The following KRT6C variants were observed in gnomAD, a reference collection of about 807,000 sequenced individuals.
KRT6C encodes the protein keratin, type II cytoskeletal 6C.
A neutral mutation model predicts 49.4 loss-of-function variants in KRT6C; 46 were observed. That is an observed-to-expected ratio of 0.93 (90% confidence interval 0.74 to 1.19). The LOEUF is 1.19. Ranked by LOEUF, KRT6C falls within the 50% of genes most tolerant of loss-of-function variation. The probability of loss-of-function intolerance (pLI) is 0.00; values close to 1 mark genes in which losing one functional copy is unlikely to be tolerated. For synonymous variants in KRT6C, 236 were observed against 297.1 expected, an observed-to-expected ratio of 0.79 and a Z score of 2.12; for missense variants, 552 against 737.5, an observed-to-expected ratio of 0.75 and a Z score of 2.91.
Position 52,472,094 on chromosome 12 carries a change from G to C in KRT6C, c.727C>G (p.Gln243Glu). 1.3e-6 allele frequency: 2 copies of C among 1,598,708 alleles called. No homozygotes were observed. Among genetic ancestry groups the C allele is most frequent in the Non-Finnish European group, 1.7e-6 (2 of 1,174,358 alleles). The change falls in exon 2 of 9, where the codon CAG (glutamine) becomes GAG (glutamate). Residue 243 changes from glutamine to glutamate, a missense_variant. By Grantham distance (29) the Gln-to-Glu change is conservative. Transcript: ENST00000252250. ...TTCTTGAGGTCCTCCACCAGGTCCT[G>C]CATGTTTCTCAGCTCCGAGTCCAGG... ...GRLDSELRNM[Q>E]DLVEDLKNKY...
At chr12:52,473,126 C>T in intron 1 of KRT6C, 72 bp downstream of exon 1, 1 of 1,386,864 alleles carries the variant, frequency 7.2e-7, no homozygotes, top group South Asian at 1.2e-5. Context: ...CTAGGTCTCC[C>T]TAGCAGGAAG....
chr12:52,469,871 G>T lies in KRT6C; in HGVS notation c.1223C>A (p.Ala408Asp). 1 of 1,614,106 alleles carries T rather than the reference G, an allele frequency of 6.2e-7. No homozygotes were observed. The highest frequency in any genetic ancestry group is 8.5e-7 in the Non-Finnish European group (1 of 1,180,006). The change falls in exon 7 of 9, where the codon GCC becomes GAC. Residue 408 changes from alanine to aspartate, a missense_variant. Physicochemically the swap from Ala to Asp is moderately radical, Grantham distance 126. This residue lies in a region of KRT6C where 425 missense variants were observed against 439.4 expected (regional missense o/e 0.97). Coordinates refer to ENST00000252250, the MANE Select transcript of KRT6C (RefSeq NM_173086.5). ...VKKQCASLQA[A>D]IADAEQRGEM... The stretch of plus-strand genomic sequence containing the variant: ...CCCACGCTGCTCAGCATCAGCAATG[G>T]CAGCCTGCAGGCTGGCACACTAGGA...
chr12:52,472,301 T>G, intron 1 of KRT6C, 21 bp from the exon 2 acceptor site: 1 of 1,406,068 alleles, frequency 7.1e-7, no homozygotes, highest in Non-Finnish European at 9.8e-7. Flanking sequence ...AGCAAGATGG[T>G]CATTTTCCAG....
In KRT6C at chr12:52,471,657, G is replaced by A. The variant is rs779731480; in HGVS notation, c.816+15C>T. The A allele has an allele frequency of 1.9e-6, 3 of 1,611,110 alleles. No individual in the cohort carries two copies. The highest frequency in any genetic ancestry group is 2.2e-5 in the South Asian group (2 of 90,952). ...CCTTCTAAATGAATTTGAACCCCCG[G>A]CTTCATCTGCTCACCTTCTTCAGAG... On this transcript the variant is annotated intron_variant, in intron 3 of 8. Transcript: ENST00000252250.
intron 6 of KRT6C, chr12:52,470,211 T>A: frequency 1.7e-6 from 1 of 598,776 alleles, no homozygotes; most frequent in Non-Finnish European, 2.9e-6. Flanking sequence ...CAAGAATGAT[T>A]TTGAGGAATA....
At chr12:52,470,770 G>A (rs1937864174) in intron 5 of KRT6C, 140 bp from the exon 6 acceptor site, 1 of 1,552,548 alleles carries the variant, frequency 6.4e-7, no homozygotes, top group African/African-American at 1.4e-5. Flanking sequence ...TTGATGTTAT[G>A]TGGTGGGTGG....
At chr12:52,472,018 G>A in intron 2 of KRT6C, 48 bp downstream of exon 2, 1 of 1,431,810 alleles carries the variant, frequency 7.0e-7, no homozygotes, top group Non-Finnish European at 9.8e-7. Flanking sequence ...TCTGGCCCTG[G>A]TCACCCAATA....
chr12:52,473,063 A>C (rs1292235639), intron 1 of KRT6C, 135 bp downstream of exon 1: 1 of 1,308,132 alleles, frequency 7.6e-7, no homozygotes, highest in Non-Finnish European at 1.1e-6. Context: ...CTGTGCACCG[A>C]GAGCCACCTG....
At chr12:52,470,462 A>G in intron 6 of KRT6C, 43 bp downstream of exon 6, 1 of 1,614,084 alleles carries the variant, frequency 6.2e-7, no homozygotes, top group Non-Finnish European at 8.5e-7. Flanking sequence ...TGATGGGTCT[A>G]GCAAAAAATG....
At chr12:52,471,642 G>T in intron 3 of KRT6C, 30 bp downstream of exon 3, 1 of 1,608,192 alleles carries the variant, frequency 6.2e-7, no homozygotes, top group Non-Finnish European at 8.5e-7. Flanking sequence ...CCTTCTAAAT[G>T]AATTTGAACC....
chr12:52,471,444 A>G lies in KRT6C; in HGVS notation c.889T>C (p.Phe297Leu), dbSNP rs754002347. The G allele has an allele frequency of 5.6e-6, 9 of 1,613,828 alleles. No homozygotes were observed. In the African/African-American group the frequency reaches 1.2e-4, roughly 22 times the overall value. Residue 297 changes from phenylalanine to leucine, a missense_variant, in exon 4 of 9, where the codon TTC becomes CTC. Phe to Leu is a conservative substitution (Grantham distance 22). Transcript: ENST00000252250. ...KADTLTDEIN[F>L]LRALYDAELS... The stretch of plus-strand genomic sequence containing the variant: ...ACTGCATCATACAAGGCTCTCAGGA[A>G]GTTGATCTCATCTGTGAGAGTGTCT...
intron 2 of KRT6C, 48 bp from the exon 3 acceptor site, chr12:52,471,780 A>G: frequency 6.2e-7 from 1 of 1,612,726 alleles, no homozygotes; most frequent in South Asian, 1.1e-5. Flanking sequence ...GGGTAGGATG[A>G]AACAGAAAAG....
chr12:52,468,901 G>T lies in KRT6C; in HGVS notation c.*161C>A. On this transcript the variant is annotated 3_prime_UTR_variant, in exon 9 of 9. Transcript: ENST00000252250. ...AGCAATGGGTGCTCAGATGGGGCAG[G>T]TATAGACAGAGAGAAGTGAGGGCAC... 1 of 827,984 alleles carries T rather than the reference G, an allele frequency of 1.2e-6. No individual in the cohort carries two copies. The highest frequency in any genetic ancestry group is 1.9e-6 in the Non-Finnish European group (1 of 520,356). The allele number at this position is 827,984 out of a possible 1,614,324, so 51.3% of individuals were successfully genotyped here. A position where few individuals can be genotyped will look rare whatever the true frequency, so the allele number is the denominator to read the frequency against.
chr12:52,471,031 C>T, intron 5 of KRT6C, 101 bp downstream of exon 5: 1 of 1,597,284 alleles, frequency 6.3e-7, no homozygotes, highest in Non-Finnish European at 8.6e-7. Flanking sequence ...GTGAGAGGAC[C>T]CCAGCTTCCT....
rs1030060639 is a variant in KRT6C at position 52,472,298 on chromosome 12, T to C, written c.541-18A>G. The C allele has an allele frequency of 6.4e-6, 9 of 1,407,230 alleles. 3 individuals carry two copies. Among genetic ancestry groups the C allele is most frequent in the Non-Finnish European group, 8.8e-6 (9 of 1,019,168 alleles). 87.2% of individuals were successfully genotyped at this position (1,407,230 alleles called of 1,614,324 possible). A position where few individuals can be genotyped will look rare whatever the true frequency, so the allele number is the denominator to read the frequency against. ...AACCGCACCTGGAAGGGAAGCAAGA[T>C]GGTCATTTTCCAGGCAAAGGAAGGA... is the stretch of plus-strand genomic sequence containing the variant. On this transcript the variant is annotated intron_variant, in intron 1 of 8. Transcript: ENST00000252250.
chr12:52,472,392 T>C lies in KRT6C; in HGVS notation c.541-112A>G, dbSNP rs576809542. On this transcript the variant is annotated intron_variant, in intron 1 of 8. Coordinates refer to ENST00000252250, the MANE Select transcript of KRT6C (RefSeq NM_173086.5). ...TCCCCATGGTGCTGGGCTACTACAGTGCATGTGGAGAGGCTCAGGCTGAGC... is the reference window on the plus strand; with the variant it reads ...TCCCCATGGTGCTGGGCTACTACAGCGCATGTGGAGAGGCTCAGGCTGAGC... 10 of 1,004,194 alleles carry C rather than the reference T, an allele frequency of 1.0e-5. 3 individuals carry two copies. The Admixed American group carries it at 1.5e-4, about 15-fold the overall frequency. 62.2% of individuals were successfully genotyped at this position (1,004,194 alleles called of 1,614,324 possible).
At chr12:52,469,916 A>T (rs1345841049) in intron 6 of KRT6C, 26 bp from the exon 7 acceptor site, 1 of 1,613,560 alleles carries the variant, frequency 6.2e-7, no homozygotes, top group East Asian at 2.2e-5. Context: ...AAGAGAAGGA[A>T]CTTCTTGTCT....
intron 6 of KRT6C, 49 bp downstream of exon 6, chr12:52,470,456 G>A (rs415580): frequency 2.5e-6 from 4 of 1,613,712 alleles, no homozygotes; most frequent in Non-Finnish European, 3.4e-6. Flanking sequence ...ACTGCCTGAT[G>A]GGTCTAGCAA....
At chr12:52,470,094 G>T (rs546332519) in intron 6 of KRT6C, 3 of 677,646 alleles carry the variant, frequency 4.4e-6, no homozygotes, top group South Asian at 1.8e-5. Flanking sequence ...TTAAGCACCC[G>T]CATGAGAATG....
Sources: allele counts gnomAD v4.1 joint callset, GRCh38; gene constraint gnomAD v4.1.1; regional missense constraint gnomAD v4.1.1; transcripts MANE v1.5; gene names NCBI Gene and HGNC (gene_info 2026-07-23, HGNC 2026-07-21).